The following GHR variants were observed in gnomAD, a reference collection of about 807,000 sequenced individuals.
GHR encodes the protein growth hormone receptor.
GHR carries 35 observed loss-of-function variants against 67.1 expected under a neutral mutation model. The ratio of observed to expected loss-of-function variants is 0.52; its 90% confidence interval spans 0.40 to 0.69. The LOEUF (loss-of-function observed/expected upper bound fraction) is 0.69. Among genes scored for constraint, GHR ranks in the 30% least tolerant of loss-of-function variants. The probability of loss-of-function intolerance (pLI) is 0.00; values close to 1 mark genes in which losing one functional copy is unlikely to be tolerated. For missense variants in GHR, 792 were observed against 764.6 expected (o/e 1.04, Z -0.42); for synonymous variants, 272 against 269.1 (o/e 1.01, Z -0.10).
At chr5:42,687,709 ATAT>A (rs1479552730) in intron 3 of GHR, among the ~76,000 whole-genome samples, 9 of 151,368 alleles carry the variant, frequency 5.9e-5, no homozygotes, top group Admixed American at 3.3e-4. Flanking sequence ...CATTTGCTTC[ATAT>A]TATTTATTTT....
intron 1 of GHR, among the ~76,000 whole-genome samples, chr5:42,438,568 A>G: frequency 6.6e-6 from 1 of 152,116 alleles, no homozygotes; most frequent in East Asian, 1.9e-4. Flanking sequence ...TCTGGGGAAA[A>G]CCAGCTGCCA....
intron 2 of GHR, among the ~76,000 whole-genome samples, chr5:42,616,508 G>A (rs1271959039): frequency 6.6e-6 from 1 of 152,154 alleles, no homozygotes; most frequent in East Asian, 1.9e-4. Flanking sequence ...TTGCTCGAGA[G>A]TTCTGTGTTA....
chr5:42,527,361 G>T (rs1747748027), intron 1 of GHR, among the ~76,000 whole-genome samples: 1 of 152,170 alleles, frequency 6.6e-6, no homozygotes, highest in Admixed American at 6.5e-5. Context: ...TAAAGGGGTG[G>T]AGGAAAATCT....
Position 42,554,728 on chromosome 5 carries a change from A to G in GHR, c.-11-11136A>G, listed in dbSNP as rs1749217222. On this transcript the variant is annotated intron_variant, in intron 1 of 9. Transcript: ENST00000230882. The stretch of plus-strand genomic sequence containing the variant: ...TGTATGTGAGTGTAAAAGGCATACT[A>G]GAATCAAAGATCCAGTATGAGAAAA... Among the ~76,000 whole-genome samples, 5 of 152,316 alleles carry G rather than the reference A, an allele frequency of 3.3e-5. No homozygotes were observed. In the South Asian group the frequency reaches 1.0e-3, roughly 32 times the overall value.
intron 3 of GHR, among the ~76,000 whole-genome samples, chr5:42,630,372 G>T (rs1281149859): frequency 7.6e-6 from 1 of 132,296 alleles, no homozygotes; most frequent in Non-Finnish European, 1.6e-5. Flanking sequence ...GGGAAGGGAA[G>T]ACAGTGTACC....
At chr5:42,459,326 G>A (rs1293734026) in intron 1 of GHR, among the ~76,000 whole-genome samples, 1 of 152,172 alleles carries the variant, frequency 6.6e-6, no homozygotes, top group Non-Finnish European at 1.5e-5. Context: ...GGAATACCAT[G>A]CAGCCATAAA....
At chr5:42,440,743 C>T (rs774677722) in intron 1 of GHR, among the ~76,000 whole-genome samples, 5 of 152,014 alleles carry the variant, frequency 3.3e-5, no homozygotes, top group African/African-American at 4.8e-5. Context: ...GTAGCTTGGA[C>T]CAGGGTGATG....
At chr5:42,635,801 G>A (rs916562439) in intron 3 of GHR, among the ~76,000 whole-genome samples, 11 of 152,080 alleles carry the variant, frequency 7.2e-5, no homozygotes, top group African/African-American at 2.7e-4. Flanking sequence ...GGTCCCTTCT[G>A]GTTGTAAACA....
chr5:42,678,330 A>T (rs1438929114), intron 3 of GHR, among the ~76,000 whole-genome samples: 1 of 152,194 alleles, frequency 6.6e-6, no homozygotes, highest in Non-Finnish European at 1.5e-5. Flanking sequence ...TTTTTAATAA[A>T]TAATGTCATT....
rs1195928870 is a variant in GHR, at chr5:42,719,533, T to G, written c.*109T>G. On this transcript the variant is annotated 3_prime_UTR_variant, in exon 10 of 10. Coordinates refer to ENST00000230882, the MANE Select transcript of GHR (RefSeq NM_000163.5). ...AACCTTTTTTGGGGGAGTGACAGGA[T>G]GGGGTATGGATTCTAAAATGCCTTT... 8 of 1,027,738 alleles carry G rather than the reference T, an allele frequency of 7.8e-6. No individual in the cohort carries two copies. The African/African-American group carries it at 1.3e-4, about 16-fold the overall frequency. The allele number at this position is 1,027,738 out of a possible 1,614,324, so 63.7% of individuals were successfully genotyped here.
At chr5:42,576,123 T>TAAAATAAAAAAATAAAATAAAATAA (rs1750712521) in intron 2 of GHR, among the ~76,000 whole-genome samples, 1 of 84,982 alleles carries the variant, frequency 1.2e-5, no homozygotes, top group African/African-American at 5.1e-5. Context: ...TAAAATAAAA[T>TAAAATAAAAAAATAAAATAAAATAA]AAAATAAAAT....
chr5:42,439,343 A>T (rs534091141), intron 1 of GHR, among the ~76,000 whole-genome samples: 1 of 152,332 alleles, frequency 6.6e-6, no homozygotes, highest in South Asian at 2.1e-4. Flanking sequence ...ACTTTCCATG[A>T]TTTGAAGAGG....
chr5:42,433,301 A>G (rs376101207), intron 1 of GHR, among the ~76,000 whole-genome samples: 1 of 152,160 alleles, frequency 6.6e-6, no homozygotes, highest in Non-Finnish European at 1.5e-5. Context: ...AGAATTATTT[A>G]TATAATCTGA....
intron 5 of GHR, among the ~76,000 whole-genome samples, chr5:42,695,636 A>T (rs1016488301): frequency 9.2e-5 from 14 of 152,228 alleles, no homozygotes; most frequent in Non-Finnish European, 1.3e-4. Context: ...AGCTCAGTGA[A>T]CTAAGTGAAA....
At chr5:42,499,162 A>C in intron 1 of GHR, among the ~76,000 whole-genome samples, 1 of 152,104 alleles carries the variant, frequency 6.6e-6, no homozygotes, top group Non-Finnish European at 1.5e-5. Context: ...AGCTATGTCG[A>C]GGCAGCAGGT....
chr5:42,588,009 C>T (rs1751574972), intron 2 of GHR, among the ~76,000 whole-genome samples: 1 of 152,116 alleles, frequency 6.6e-6, no homozygotes, highest in South Asian at 2.1e-4. Flanking sequence ...TCTGTCTTTG[C>T]CAGAGAGGGC....
chr5:42,662,027 A>G (rs940147890), intron 3 of GHR, among the ~76,000 whole-genome samples: 7 of 152,222 alleles, frequency 4.6e-5, no homozygotes, highest in African/African-American at 1.7e-4. Flanking sequence ...CATAATGGTA[A>G]AGGGATCAAT....
chr5:42,507,209 A>G (rs1470455737), intron 1 of GHR, among the ~76,000 whole-genome samples: 1 of 152,236 alleles, frequency 6.6e-6, no homozygotes, highest in Non-Finnish European at 1.5e-5. Flanking sequence ...TTACAGTTTC[A>G]GGGTCATAGT....
chr5:42,474,359 CA>C (rs1354568923), intron 1 of GHR, among the ~76,000 whole-genome samples: 1 of 68,914 alleles, frequency 1.5e-5, no homozygotes, highest in Non-Finnish European at 3.3e-5. Context: ...AGAAAGAAAG[CA>C]AAGTGTCTGT....
Sources: allele counts gnomAD v4.1 joint callset (sites outside exome capture counted in the v4.1 genomes callset), GRCh38; gene constraint gnomAD v4.1.1; transcripts MANE v1.5; gene names NCBI Gene and HGNC (gene_info 2026-07-23, HGNC 2026-07-21).